The following ACSS3 variants were observed in gnomAD, a reference collection of about 807,000 sequenced individuals.
ACSS3 encodes the protein acyl-CoA synthetase short-chain family member 3, mitochondrial.
A neutral mutation model predicts 84.2 loss-of-function variants in ACSS3; 64 were observed. That is an observed-to-expected ratio of 0.76 (90% CI 0.62 to 0.94). The LOEUF (loss-of-function observed/expected upper bound fraction) is 0.94. Ranked by LOEUF, ACSS3 falls within the 40% of genes least tolerant of loss-of-function variation. ACSS3 has a pLI of 0.00. For missense variants in ACSS3, 815 were observed against 867.6 expected (o/e 0.94, Z 0.76); for synonymous variants, 317 against 310.1 (o/e 1.02, Z -0.23).
At chr12:81,141,472 A>T (rs560115232) in intron 4 of ACSS3, among the ~76,000 whole-genome samples, 2 of 151,378 alleles carry the variant, frequency 1.3e-5, no homozygotes, top group East Asian at 3.9e-4. Flanking sequence ...AATCACCCCT[A>T]TGCTCTCCCA....
intron 1 of ACSS3, among the ~76,000 whole-genome samples, chr12:81,104,195 G>C (rs767606225): frequency 1.3e-5 from 2 of 152,126 alleles, no homozygotes; most frequent in Non-Finnish European, 2.9e-5. Flanking sequence ...TGAGTTCCCT[G>C]GGTTTTCTTT....
intron 8 of ACSS3, 30 bp downstream of exon 8, chr12:81,174,969 A>T: frequency 6.2e-7 from 1 of 1,601,394 alleles, no homozygotes; most frequent in Non-Finnish European, 8.5e-7. Flanking sequence ...GGCAAATGAC[A>T]TTAGAAAGTG....
chr12:81,230,867 C>CTTTA (rs561215870), intron 11 of ACSS3, among the ~76,000 whole-genome samples, 190 bp from the exon 12 acceptor site: 1 of 151,944 alleles, frequency 6.6e-6, no homozygotes, highest in South Asian at 2.1e-4. Context: ...CATTCTTCAA[C>CTTTA]AATTCTGCTG....
chr12:81,085,816 T>G (rs1881271770), intron 1 of ACSS3, among the ~76,000 whole-genome samples: 1 of 152,226 alleles, frequency 6.6e-6, no homozygotes, highest in Non-Finnish European at 1.5e-5. Flanking sequence ...AATATTAGTT[T>G]CCTGAAGTTG....
In ACSS3 at chr12:81,141,554, G is replaced by GT. The variant is rs770348648; in HGVS notation, c.781-1545dup. ...GAAGTAAATGCATATATGTGAAAGT[G>GT]TTTTTTTTCCTCTGTTTCTCAGATC... On this transcript the variant is annotated intron_variant, in intron 4 of 15. Coordinates refer to ENST00000548058, the MANE Select transcript of ACSS3 (RefSeq NM_024560.4). Among the ~76,000 whole-genome samples, 216 of 152,018 alleles carry GT rather than the reference G, an allele frequency of 1.4e-3. 1 individual carries two copies. Among genetic ancestry groups the GT allele is most frequent in the Admixed American group, 2.9e-3 (44 of 15,258 alleles).
chr12:81,140,057 C>G (rs1886018462), intron 4 of ACSS3, among the ~76,000 whole-genome samples: 2 of 152,194 alleles, frequency 1.3e-5, no homozygotes, highest in Non-Finnish European at 2.9e-5. Flanking sequence ...GTGCCAGTGT[C>G]AAGATGCGAA....
At chr12:81,125,058 C>CA (rs1476043509) in intron 2 of ACSS3, among the ~76,000 whole-genome samples, 1 of 151,986 alleles carries the variant, frequency 6.6e-6, no homozygotes, top group African/African-American at 2.4e-5. Flanking sequence ...ACTAAAAATA[C>CA]AAAAAATTAG....
rs140569559 is a variant in ACSS3, at chr12:81,179,690, G to A, written c.1250+4751G>A. Among the ~76,000 whole-genome samples the A allele has an allele frequency of 2.3e-3, 340 of 148,740 alleles. 4 individuals carry two copies. In the East Asian group the frequency reaches 0.061, roughly 27 times the overall value. ...AGAGGCTGAGGCAGGAGAATGGCGT[G>A]AACCCGGGAGGTGGAGCTTGCAGTG... On this transcript the variant is annotated intron_variant, in intron 8 of 15. Transcript: ENST00000548058.
At chr12:81,192,926 A>C (rs2031644731) in intron 8 of ACSS3, among the ~76,000 whole-genome samples, 1 of 152,068 alleles carries the variant, frequency 6.6e-6, no homozygotes, top group South Asian at 2.1e-4. Context: ...TTTCATTTTT[A>C]TATTTTTTCC....
At chr12:81,223,344 G>T (rs2033171436) in intron 11 of ACSS3, among the ~76,000 whole-genome samples, 1 of 152,010 alleles carries the variant, frequency 6.6e-6, no homozygotes, top group Non-Finnish European at 1.5e-5. Context: ...TTCAGATATG[G>T]TTAACGATGC....
chr12:81,166,580 A>G (rs1439405010), intron 7 of ACSS3, among the ~76,000 whole-genome samples: 1 of 152,240 alleles, frequency 6.6e-6, no homozygotes, highest in African/African-American at 2.4e-5. Flanking sequence ...AAGGGTGACG[A>G]GAAGGTTTTT....
intron 2 of ACSS3, among the ~76,000 whole-genome samples, chr12:81,127,654 G>T (rs1885196689): frequency 6.6e-6 from 1 of 152,098 alleles, no homozygotes; most frequent in Non-Finnish European, 1.5e-5. Context: ...TTAGACCAGG[G>T]TTTGCAATGT....
chr12:81,238,816 T>G (rs565825661), intron 13 of ACSS3, among the ~76,000 whole-genome samples: 5 of 151,554 alleles, frequency 3.3e-5, no homozygotes, highest in Non-Finnish European at 5.9e-5. Context: ...TAGCTTTTGG[T>G]TTTATGGTAT....
intron 8 of ACSS3, among the ~76,000 whole-genome samples, chr12:81,198,025 T>C (rs953506716): frequency 2.0e-5 from 3 of 152,184 alleles, no homozygotes; most frequent in Non-Finnish European, 4.4e-5. Flanking sequence ...TTATGTTGTG[T>C]ACTGAAAATA....
intron 7 of ACSS3, among the ~76,000 whole-genome samples, chr12:81,164,179 A>C (rs1887290976): frequency 6.6e-6 from 1 of 152,000 alleles, no homozygotes; most frequent in Non-Finnish European, 1.5e-5. Context: ...TTTTACTGTT[A>C]TTTTTCTATG....
chr12:81,135,369 CAT>C (rs1885740374), intron 3 of ACSS3, among the ~76,000 whole-genome samples: 1 of 128,392 alleles, frequency 7.8e-6, no homozygotes, highest in Admixed American at 7.8e-5. Context: ...ATATATATCA[CAT>C]TATATATAAT....
intron 8 of ACSS3, among the ~76,000 whole-genome samples, chr12:81,179,446 A>G (rs11114782): frequency 0.079 from 12,046 of 152,016 alleles, 666 homozygotes; most frequent in Non-Finnish European, 0.12. Flanking sequence ...GAAAGATCTA[A>G]TATCTGGAAT....
At chr12:81,129,301 A>G (rs981189959) in intron 2 of ACSS3, among the ~76,000 whole-genome samples, 1 of 150,684 alleles carries the variant, frequency 6.6e-6, no homozygotes, top group South Asian at 2.1e-4. Flanking sequence ...TAAAATAAAT[A>G]AGAGGTAAAA....
chr12:81,137,182 A>C (rs996652910), intron 3 of ACSS3, among the ~76,000 whole-genome samples: 4 of 151,838 alleles, frequency 2.6e-5, no homozygotes, highest in South Asian at 2.1e-4. Context: ...CCTATGAAGA[A>C]AATCTAGGGA....
Sources: gnomAD v4.1 joint callset for allele counts (sites outside exome capture counted in the v4.1 genomes callset) on GRCh38, gnomAD v4.1.1 for gene constraint, MANE v1.5 for transcripts, NCBI Gene and HGNC (gene_info 2026-07-23, HGNC 2026-07-21) for gene names.